TDRD3: variants seen among roughly 807,000 people sequenced by gnomAD.
TDRD3 encodes the protein tudor domain-containing protein 3.
A neutral mutation model predicts 86.7 loss-of-function variants in TDRD3; 45 were observed. That is an observed-to-expected ratio of 0.52 (90% confidence interval 0.41 to 0.67). The LOEUF is 0.67. Ranked by LOEUF, TDRD3 falls within the 30% of genes least tolerant of loss-of-function variation. TDRD3 has a pLI of 0.00. For missense variants in TDRD3, 814 were observed against 889.0 expected (o/e 0.92, Z 1.07); for synonymous variants, 298 against 301.7 (o/e 0.99, Z 0.13).
intron 10 of TDRD3, among the ~76,000 whole-genome samples, chr13:60,514,276 A>G (rs189402572): frequency 6.6e-6 from 1 of 152,332 alleles, no homozygotes; most frequent in East Asian, 1.9e-4. Context: ...ATTTCTAAGC[A>G]GCAAAGCATT....
At chr13:60,548,435 TCTGA>T (rs1324433435) in intron 12 of TDRD3, among the ~76,000 whole-genome samples, 2 of 152,172 alleles carry the variant, frequency 1.3e-5, no homozygotes, top group African/African-American at 4.8e-5. Context: ...GAATGCTTGG[TCTGA>T]CTATCTGTAA....
intron 6 of TDRD3, 112 bp downstream of exon 6, chr13:60,483,958 T>C: frequency 9.9e-7 from 1 of 1,011,282 alleles, no homozygotes; most frequent in East Asian, 2.7e-5. Flanking sequence ...TGGAGTTATT[T>C]GGAAATATGA....
chr13:60,462,813 G>A (rs9598134), intron 4 of TDRD3, among the ~76,000 whole-genome samples: 3 of 152,008 alleles, frequency 2.0e-5, no homozygotes, highest in South Asian at 2.1e-4. Flanking sequence ...TAAAATTTTA[G>A]TCCCTGAGTA....
chr13:60,407,834 C>T (rs577614372), intron 1 of TDRD3, among the ~76,000 whole-genome samples: 7 of 152,282 alleles, frequency 4.6e-5, no homozygotes, highest in South Asian at 2.1e-4. Flanking sequence ...GGCTGTGTTC[C>T]GACCCAAATC....
intron 12 of TDRD3, among the ~76,000 whole-genome samples, chr13:60,543,369 A>T (rs1271096516): frequency 1.3e-5 from 2 of 152,158 alleles, no homozygotes; most frequent in Non-Finnish European, 2.9e-5. Flanking sequence ...ATCTAGATTT[A>T]AAAAAATTTA....
At chr13:60,411,405 A>G (rs1025998259) in intron 1 of TDRD3, among the ~76,000 whole-genome samples, 4 of 152,222 alleles carry the variant, frequency 2.6e-5, no homozygotes, top group African/African-American at 9.6e-5. Flanking sequence ...CAGAGCCTTG[A>G]CATTTTTACT....
chr13:60,557,627 T>C (rs568386583), intron 12 of TDRD3, among the ~76,000 whole-genome samples: 1 of 152,194 alleles, frequency 6.6e-6, no homozygotes, highest in South Asian at 2.1e-4. Context: ...CATTTTTATA[T>C]TTCTTAACTC....
At chr13:60,495,467 A>ATTTT (rs542683486) in intron 8 of TDRD3, among the ~76,000 whole-genome samples, 1 of 145,434 alleles carries the variant, frequency 6.9e-6, no homozygotes, top group African/African-American at 2.5e-5. Flanking sequence ...AATCAGAGGT[A>ATTTT]TTTTTTTTTT....
chr13:60,551,818 T>C (rs578207471), intron 12 of TDRD3, among the ~76,000 whole-genome samples: 2 of 152,228 alleles, frequency 1.3e-5, no homozygotes, highest in South Asian at 4.2e-4. Context: ...AAGCACCTTC[T>C]TCATGAGGCA....
intron 12 of TDRD3, among the ~76,000 whole-genome samples, chr13:60,549,217 G>A (rs1207426916): frequency 1.3e-5 from 2 of 152,034 alleles, no homozygotes; most frequent in South Asian, 2.1e-4. Flanking sequence ...CTTTTAAAAA[G>A]TAAAAGGAAA....
intron 2 of TDRD3, among the ~76,000 whole-genome samples, chr13:60,443,540 C>T (rs910477370): frequency 2.6e-5 from 4 of 151,882 alleles, no homozygotes; most frequent in South Asian, 2.1e-4. Flanking sequence ...GATTATACAA[C>T]TTATATTCTC....
At chr13:60,412,422 T>G (rs1480551158) in intron 1 of TDRD3, among the ~76,000 whole-genome samples, 1 of 152,166 alleles carries the variant, frequency 6.6e-6, no homozygotes, top group Non-Finnish European at 1.5e-5. Flanking sequence ...AATCTTACGT[T>G]TGTAAGGACT....
At chr13:60,432,519 A>G (rs537072236) in intron 1 of TDRD3, among the ~76,000 whole-genome samples, 1 of 152,154 alleles carries the variant, frequency 6.6e-6, no homozygotes, top group Non-Finnish European at 1.5e-5. Context: ...CTGACTAGGT[A>G]TAGTATAGTA....
At chr13:60,405,778 A>AT (rs1954219718) in intron 1 of TDRD3, among the ~76,000 whole-genome samples, 1 of 152,188 alleles carries the variant, frequency 6.6e-6, no homozygotes, top group Admixed American at 6.6e-5. Context: ...TTTAATCATG[A>AT]TGTGAGGGTT....
At chr13:60,511,334 A>C (rs939675611) in intron 10 of TDRD3, among the ~76,000 whole-genome samples, 1 of 152,210 alleles carries the variant, frequency 6.6e-6, no homozygotes, top group Non-Finnish European at 1.5e-5. Context: ...TCAGTTTCTC[A>C]TTCAGATATA....
intron 12 of TDRD3, among the ~76,000 whole-genome samples, chr13:60,541,670 G>T: frequency 7.9e-6 from 1 of 127,140 alleles, no homozygotes; most frequent in South Asian, 2.7e-4. Flanking sequence ...TTTCATTCAT[G>T]TATATCCAAT....
intron 10 of TDRD3, among the ~76,000 whole-genome samples, chr13:60,527,054 C>G (rs879761840): frequency 2.8e-4 from 43 of 152,058 alleles, no homozygotes; most frequent in African/African-American, 1.0e-3. Flanking sequence ...AGGGTGGTCT[C>G]GAACTCCTGG....
rs1566275692 is a variant in TDRD3 at position 60,528,611 on chromosome 13, A to ATGGGCTGAAGACAGTTT, written c.1400_1401insTTTTGGGCTGAAGACAG (p.Arg467SerfsTer27). 1 of 1,614,062 alleles carries ATGGGCTGAAGACAGTTT rather than the reference A, an allele frequency of 6.2e-7. No individual in the cohort carries two copies. Among genetic ancestry groups the ATGGGCTGAAGACAGTTT allele is most frequent in the Admixed American group, 1.7e-5 (1 of 60,022 alleles). On this transcript the variant is annotated frameshift_variant, in exon 11 of 14. Transcript: ENST00000377881. LOFTEE classifies it high-confidence loss of function. ...CAAGTACTTCTTCAGTATCTGAAGT[A>ATGGGCTGAAGACAGTTT]TGGGCTGAAGACAGAATCAAATGTG...
chr13:60,433,158 T>C (rs1954996945), intron 1 of TDRD3, among the ~76,000 whole-genome samples: 2 of 152,232 alleles, frequency 1.3e-5, no homozygotes, highest in Admixed American at 1.3e-4. Context: ...ATTCTGTATT[T>C]TATTATTTCA....
Sources: allele counts gnomAD v4.1 joint callset (sites outside exome capture counted in the v4.1 genomes callset), GRCh38; gene constraint gnomAD v4.1.1; transcripts MANE v1.5; gene names NCBI Gene and HGNC (gene_info 2026-07-23, HGNC 2026-07-21).